Variants in TAFA2 observed in about 807,000 individuals in gnomAD.
The protein encoded by TAFA2 is TAFA chemokine like family member 2, also known as chemokine-like protein TAFA-2.
TAFA2 carries 7 observed loss-of-function variants against 18.8 expected under a neutral mutation model. That is an observed-to-expected ratio of 0.37 (90% CI 0.21 to 0.70). The LOEUF (loss-of-function observed/expected upper bound fraction) is 0.70, where lower values mean the gene tolerates loss of function less well. Ranked by LOEUF, TAFA2 falls within the 30% of genes least tolerant of loss-of-function variation. The pLI, the probability that TAFA2 is intolerant of heterozygous loss-of-function variation, is 0.53. For missense variants in TAFA2, 122 were observed against 158.1 expected (o/e 0.77, Z 1.23); for synonymous variants, 60 against 54.2 (o/e 1.11, Z -0.47).
At chr12:62,037,000 A>G (rs941165438) in intron 1 of TAFA2, among the ~76,000 whole-genome samples, 1 of 152,222 alleles carries the variant, frequency 6.6e-6, no homozygotes, top group East Asian at 1.9e-4. Flanking sequence ...TTTTATTTTA[A>G]TGAGTGCTTG....
chr12:61,748,093 G>A lies in TAFA2; in HGVS notation c.384+5529C>T, dbSNP rs115879647. Among the ~76,000 whole-genome samples the A allele has an allele frequency of 6.0e-3, 903 of 151,710 alleles. 3 individuals carry two copies. The highest frequency in any genetic ancestry group is 0.021 in the African/African-American group (859 of 41,376). On this transcript the variant is annotated intron_variant, in intron 4 of 4. Coordinates refer to ENST00000416284, the MANE Select transcript of TAFA2 (RefSeq NM_178539.5). ...ATCTACAGGTTGCAACACATAAACA[G>A]GTGATAACAGCAATTTATGAGGTTG...
chr12:62,122,883 C>T (rs887673753), intron 1 of TAFA2, among the ~76,000 whole-genome samples: 17 of 152,144 alleles, frequency 1.1e-4, no homozygotes, highest in African/African-American at 3.9e-4. Flanking sequence ...CCATCATAAA[C>T]CATACCTTCT....
At chr12:61,713,714 A>C (rs1314931763) in intron 4 of TAFA2, among the ~76,000 whole-genome samples, 1 of 152,206 alleles carries the variant, frequency 6.6e-6, no homozygotes, top group East Asian at 1.9e-4. Context: ...ATTATTACCT[A>C]AAATTAAACA....
intron 1 of TAFA2, among the ~76,000 whole-genome samples, chr12:61,906,376 G>C (rs937676236): frequency 2.6e-5 from 4 of 151,922 alleles, no homozygotes; most frequent in African/African-American, 9.7e-5. Context: ...TTTATAAAGG[G>C]CAATTCCTCT....
chr12:62,237,448 T>G (rs866309994), intron 1 of TAFA2, among the ~76,000 whole-genome samples: 1 of 152,358 alleles, frequency 6.6e-6, no homozygotes, highest in South Asian at 2.1e-4. Context: ...TTTTGCTGTG[T>G]TATCTTGGAA....
chr12:62,146,284 C>CGT (rs1555193885), intron 1 of TAFA2, among the ~76,000 whole-genome samples: 5 of 117,716 alleles, frequency 4.2e-5, no homozygotes, highest in Admixed American at 2.0e-4. Context: ...CCCTTTGCTG[C>CGT]TTTTTTTTTT....
chr12:62,197,028 C>A (rs1350374825), upstream of TAFA2, among the ~76,000 whole-genome samples: 1 of 152,228 alleles, frequency 6.6e-6, no homozygotes, highest in Non-Finnish European at 1.5e-5. Context: ...CATCTCCTGT[C>A]AGATCAGCTG....
At chr12:61,824,444 A>C (rs1356788514) in intron 2 of TAFA2, among the ~76,000 whole-genome samples, 2 of 152,174 alleles carry the variant, frequency 1.3e-5, no homozygotes, top group Non-Finnish European at 2.9e-5. Flanking sequence ...TGGTCTCTTC[A>C]TTCCCACATT....
intron 1 of TAFA2, among the ~76,000 whole-genome samples, chr12:62,133,260 T>C (rs1870761473): frequency 6.6e-6 from 1 of 152,024 alleles, no homozygotes; most frequent in Non-Finnish European, 1.5e-5. Flanking sequence ...ACATTGGATA[T>C]TCTAAATAAC....
At chr12:61,971,612 A>C (rs1320822476) in intron 1 of TAFA2, among the ~76,000 whole-genome samples, 1 of 151,836 alleles carries the variant, frequency 6.6e-6, no homozygotes, top group Non-Finnish European at 1.5e-5. Context: ...TTCTCAGCAA[A>C]ATTTCACAAG....
chr12:61,863,471 G>C (rs1237378674), intron 2 of TAFA2, among the ~76,000 whole-genome samples: 1 of 152,188 alleles, frequency 6.6e-6, no homozygotes, highest in East Asian at 1.9e-4. Flanking sequence ...ATGAGTAGAA[G>C]TGCTAGCAAA....
chr12:61,902,618 C>A (rs1333970671), intron 1 of TAFA2, among the ~76,000 whole-genome samples: 2 of 152,148 alleles, frequency 1.3e-5, no homozygotes, highest in Non-Finnish European at 2.9e-5. Context: ...ATTGCAGCAC[C>A]TCAGGCCCTG....
chr12:61,777,448 T>C lies in TAFA2; in HGVS notation c.107-22424A>G, dbSNP rs567904360. 9.2e-5 allele frequency among the ~76,000 whole-genome samples: 14 copies of C among 151,952 alleles called. No homozygotes were observed. In the South Asian group the frequency reaches 2.7e-3, roughly 29 times the overall value. ...ATTATAAATTCAGGGAGAGTCCAAT[T>C]ATCCTATTATCCTTGTGAAAGCAAT... On this transcript the variant is annotated intron_variant, in intron 2 of 4. Transcript: ENST00000416284.
chr12:62,039,103 G>A (rs1180932804), intron 1 of TAFA2, among the ~76,000 whole-genome samples: 1 of 152,172 alleles, frequency 6.6e-6, no homozygotes, highest in African/African-American at 2.4e-5. Context: ...CTGGATTTGA[G>A]ACGTCAGTGC....
upstream of TAFA2, among the ~76,000 whole-genome samples, chr12:62,259,304 T>G (rs143488623): frequency 1.1e-3 from 173 of 152,322 alleles, 1 homozygote; most frequent in East Asian, 0.02. Context: ...TTAGGTAATT[T>G]TTACATGTCC....
intron 1 of TAFA2, among the ~76,000 whole-genome samples, chr12:62,014,631 C>CA (rs1880871868): frequency 6.6e-6 from 1 of 151,304 alleles, no homozygotes; most frequent in Non-Finnish European, 1.5e-5. Flanking sequence ...GACTCTGTCT[C>CA]AAAAAAATAA....
At position 62,088,936 on chromosome 12, in the gene TAFA2, G is replaced by A. The variant is rs528827316; in HGVS notation, c.-2+102323C>T. ...TGTGTGTGTGTGTGTGTGCACGCGC[G>A]CGCACGCATCTGTCTCACATACACA... On this transcript the variant is annotated intron_variant, in intron 1 of 4. Coordinates refer to ENST00000416284, the MANE Select transcript of TAFA2 (RefSeq NM_178539.5). Among the ~76,000 whole-genome samples the A allele has an allele frequency of 3.1e-4, 47 of 151,906 alleles. No individual in the cohort carries two copies. The South Asian group carries it at 6.6e-3, about 21-fold the overall frequency.
chr12:61,932,874 C>T (rs904492933), intron 1 of TAFA2, among the ~76,000 whole-genome samples: 8 of 152,162 alleles, frequency 5.3e-5, no homozygotes, highest in Non-Finnish European at 1.0e-4. Flanking sequence ...GAGTTGATTC[C>T]TTAATATGTT....
intron 1 of TAFA2, among the ~76,000 whole-genome samples, chr12:61,955,653 A>ATATG (rs1555178823): frequency 1.1e-4 from 11 of 103,526 alleles, no homozygotes; most frequent in African/African-American, 2.6e-4. Flanking sequence ...ATATATATAT[A>ATATG]TATATATATA....
Sources: allele counts gnomAD v4.1 joint callset (sites outside exome capture counted in the v4.1 genomes callset), GRCh38; gene constraint gnomAD v4.1.1; transcripts MANE v1.5; gene names NCBI Gene and HGNC (gene_info 2026-07-23, HGNC 2026-07-21).